The following ZNF804B variants were observed in gnomAD, a reference collection of about 807,000 sequenced individuals.
ZNF804B encodes zinc finger 804B.
In ZNF804B, 80 loss-of-function variants were observed where a neutral mutation model predicts 101.4. That is an observed-to-expected ratio of 0.79 (90% CI 0.66 to 0.95). ZNF804B has a LOEUF of 0.95. ZNF804B is among the 40% of genes least tolerant of loss of function. ZNF804B has a pLI of 0.00. For missense variants in ZNF804B, 1,673 were observed against 1,561.9 expected (o/e 1.07, Z -1.20); for synonymous variants, 622 against 558.8 (o/e 1.11, Z -1.59).
chr7:88,974,699 T>G (rs1289070678), intron 1 of ZNF804B, among the ~76,000 whole-genome samples: 1 of 151,350 alleles, frequency 6.6e-6, no homozygotes, highest in African/African-American at 2.4e-5. Context: ...ATAGGGTACA[T>G]GAGATATTTT....
chr7:88,899,842 T>G lies in ZNF804B; in HGVS notation c.108+139758T>G, dbSNP rs1191909179. ...ATGTATATAGTAATAAAAATCTACT[T>G]TTAAGACGGAAAAGAAGGCAAGTCC... is the stretch of plus-strand genomic sequence containing the variant. On this transcript the variant is annotated intron_variant, in intron 1 of 3. Coordinates refer to ENST00000333190, the MANE Select transcript of ZNF804B (RefSeq NM_181646.5). Among the ~76,000 whole-genome samples the G allele has an allele frequency of 2.6e-5, 4 of 152,148 alleles. No homozygotes were observed. The East Asian group carries it at 7.7e-4, about 29-fold the overall frequency.
chr7:88,812,222 AG>A (rs1280317371), intron 1 of ZNF804B, among the ~76,000 whole-genome samples: 1 of 152,204 alleles, frequency 6.6e-6, no homozygotes, highest in Admixed American at 6.5e-5. Flanking sequence ...TCCATTCCAA[AG>A]AAATTGACCT....
chr7:89,122,639 G>C (rs1790423578), intron 1 of ZNF804B, among the ~76,000 whole-genome samples: 1 of 152,026 alleles, frequency 6.6e-6, no homozygotes, highest in Admixed American at 6.6e-5. Context: ...GTAGACAACT[G>C]GTGCCTTGCC....
chr7:89,244,144 A>G (rs1789410915), intron 2 of ZNF804B, among the ~76,000 whole-genome samples: 1 of 152,048 alleles, frequency 6.6e-6, no homozygotes, highest in Non-Finnish European at 1.5e-5. Context: ...ATGTAAATCT[A>G]ACACCAAGTC....
At chr7:89,025,552 T>G (rs1246637176) in intron 1 of ZNF804B, among the ~76,000 whole-genome samples, 1 of 152,122 alleles carries the variant, frequency 6.6e-6, no homozygotes, top group Non-Finnish European at 1.5e-5. Context: ...GAAAAACTTG[T>G]TTTTTAAAAA....
chr7:89,280,090 C>G (rs1290175276), intron 2 of ZNF804B, among the ~76,000 whole-genome samples: 1 of 152,096 alleles, frequency 6.6e-6, no homozygotes, highest in Admixed American at 6.5e-5. Flanking sequence ...AACTAGAACT[C>G]GGGATTAAGA....
Position 89,334,614 on chromosome 7 carries a change from T to A in ZNF804B, c.1632T>A (p.Asp544Glu), listed in dbSNP as rs750946990. The change falls in exon 4 of 4, where the codon GAT (aspartate) becomes GAA (glutamate). Residue 544 changes from aspartate to glutamate, a missense_variant. By Grantham distance (45) the Asp-to-Glu change is conservative (BLOSUM62 2). Transcript: ENST00000333190. ...PKPKTMIANP[D>E]WEKFQRKYNL... is the part of the protein sequence containing the mutation. ...CAAAGACGATGATAGCTAATCCGGATTGGGAAAAATTCCAGAGGAAATATA... is the reference window on the plus strand; with the variant it reads ...CAAAGACGATGATAGCTAATCCGGAATGGGAAAAATTCCAGAGGAAATATA... 3 of 1,613,720 alleles carry A rather than the reference T, an allele frequency of 1.9e-6. No individual in the cohort carries two copies. Among genetic ancestry groups the A allele is most frequent in the Non-Finnish European group, 2.5e-6 (3 of 1,179,830 alleles).
At chr7:89,170,113 A>G (rs971269220) in intron 1 of ZNF804B, among the ~76,000 whole-genome samples, 1 of 152,210 alleles carries the variant, frequency 6.6e-6, no homozygotes, top group Non-Finnish European at 1.5e-5. Flanking sequence ...GAAGGCATGC[A>G]TTTACTGATT....
chr7:88,934,037 A>G (rs1792931002), intron 1 of ZNF804B, among the ~76,000 whole-genome samples: 1 of 152,030 alleles, frequency 6.6e-6, no homozygotes, highest in Non-Finnish European at 1.5e-5. Flanking sequence ...GGCTATAGTT[A>G]CCAAAACGAC....
chr7:88,895,172 A>T (rs1164513129), intron 1 of ZNF804B, among the ~76,000 whole-genome samples: 1 of 152,236 alleles, frequency 6.6e-6, no homozygotes, highest in Non-Finnish European at 1.5e-5. Context: ...AAGAAACTGT[A>T]TATAACTACT....
intron 2 of ZNF804B, among the ~76,000 whole-genome samples, chr7:89,285,966 G>T (rs1790190706): frequency 6.7e-6 from 1 of 149,466 alleles, no homozygotes; most frequent in Admixed American, 6.6e-5. Context: ...TGAGGATGAA[G>T]ATTTTTATGA....
At chr7:88,904,725 T>C (rs1338305933) in intron 1 of ZNF804B, among the ~76,000 whole-genome samples, 1 of 152,144 alleles carries the variant, frequency 6.6e-6, no homozygotes, top group Non-Finnish European at 1.5e-5. Flanking sequence ...TAAATGGGAT[T>C]GTGTTCTTAA....
intron 2 of ZNF804B, among the ~76,000 whole-genome samples, chr7:89,230,892 T>C (rs1789183076): frequency 6.6e-6 from 1 of 152,106 alleles, no homozygotes; most frequent in Non-Finnish European, 1.5e-5. Context: ...CATATCTTCT[T>C]TGGTGAAGTT....
intron 2 of ZNF804B, among the ~76,000 whole-genome samples, chr7:89,246,699 G>T (rs1417194326): frequency 2.0e-5 from 3 of 152,108 alleles, no homozygotes; most frequent in Admixed American, 2.0e-4. Flanking sequence ...CACCCAGGCA[G>T]ATCTCCAGAC....
At chr7:89,228,254 G>C (rs1330074410) in intron 2 of ZNF804B, among the ~76,000 whole-genome samples, 2 of 146,718 alleles carry the variant, frequency 1.4e-5, no homozygotes, top group Non-Finnish European at 3.0e-5. Context: ...GCAGCAGCAG[G>C]ATTTATTGCA....
intron 1 of ZNF804B, among the ~76,000 whole-genome samples, chr7:89,131,527 G>A (rs1223169413): frequency 6.6e-6 from 1 of 151,898 alleles, no homozygotes; most frequent in South Asian, 2.1e-4. Flanking sequence ...ACATTTGAAG[G>A]CTATAATCAT....
At chr7:88,935,355 G>A (rs924516171) in intron 1 of ZNF804B, among the ~76,000 whole-genome samples, 2 of 136,550 alleles carry the variant, frequency 1.5e-5, no homozygotes, top group African/African-American at 2.8e-5. Context: ...AAAAACTATT[G>A]AAGTAAAAGT....
intron 1 of ZNF804B, among the ~76,000 whole-genome samples, chr7:88,966,808 A>G (rs1048667461): frequency 6.6e-6 from 1 of 151,544 alleles, no homozygotes; most frequent in Non-Finnish European, 1.5e-5. Flanking sequence ...GAGAGATTAA[A>G]AAAACATTCT....
intron 1 of ZNF804B, among the ~76,000 whole-genome samples, chr7:89,154,012 T>C (rs1790917378): frequency 6.6e-6 from 1 of 151,818 alleles, no homozygotes; most frequent in Non-Finnish European, 1.5e-5. Flanking sequence ...TCAGAATATG[T>C]AAGGAACACA....
Sources: allele counts gnomAD v4.1 joint callset (sites outside exome capture counted in the v4.1 genomes callset), GRCh38; gene constraint gnomAD v4.1.1; transcripts MANE v1.5; gene names NCBI Gene and HGNC (gene_info 2026-07-23, HGNC 2026-07-21).